CYTH3: variants seen among roughly 807,000 people sequenced by gnomAD.
CYTH3 encodes cytohesin 3, also known as cytohesin-3.
CYTH3 carries 23 observed loss-of-function variants against 55.1 expected under a neutral mutation model. The observed-to-expected ratio is 0.42, with a 90% CI of 0.30 to 0.59. The LOEUF (loss-of-function observed/expected upper bound fraction) is 0.59, where lower values mean the gene tolerates loss of function less well. Ranked by LOEUF, CYTH3 falls within the 20% of genes least tolerant of loss-of-function variation. The pLI is 0.20. For synonymous variants in CYTH3, 249 were observed against 194.9 expected (o/e 1.28, Z -2.31); for missense variants, 413 against 524.8 (o/e 0.79, Z 2.08).
chr7:6,189,478 C>T (rs371520329), intron 2 of CYTH3, among the ~76,000 whole-genome samples: 37 of 151,850 alleles, frequency 2.4e-4, no homozygotes, highest in African/African-American at 8.7e-4. Flanking sequence ...GGCATGGTGG[C>T]GTGCATTTTT....
At chr7:6,266,150 T>C (rs966246799) in intron 1 of CYTH3, among the ~76,000 whole-genome samples, 2 of 151,936 alleles carry the variant, frequency 1.3e-5, no homozygotes, top group Admixed American at 1.3e-4. Context: ...ACACCTCCCT[T>C]CTCCCAAGTC....
At chr7:6,190,372 GA>G (rs2128544065) in intron 2 of CYTH3, 76 bp downstream of exon 2, 1 of 777,970 alleles carries the variant, frequency 1.3e-6, no homozygotes. Flanking sequence ...ACATTTTTGT[GA>G]GGCTACTCTT....
At chr7:6,166,512 C>G (rs898969797) in intron 9 of CYTH3, among the ~76,000 whole-genome samples, 5 of 152,232 alleles carry the variant, frequency 3.3e-5, no homozygotes, top group African/African-American at 1.2e-4. Flanking sequence ...GGAGCTCACC[C>G]GGCTTTCTCT....
At chr7:6,191,585 G>C (rs1783805462) in intron 1 of CYTH3, among the ~76,000 whole-genome samples, 1 of 147,090 alleles carries the variant, frequency 6.8e-6, no homozygotes, top group South Asian at 2.1e-4. Context: ...TCAGGGTAGG[G>C]AAGGACTTTT....
chr7:6,225,852 G>C (rs1020178381), intron 1 of CYTH3, among the ~76,000 whole-genome samples: 2 of 151,780 alleles, frequency 1.3e-5, no homozygotes, highest in African/African-American at 4.8e-5. Flanking sequence ...GCTAATTTTT[G>C]TATTTTTAGT....
intron 1 of CYTH3, among the ~76,000 whole-genome samples, chr7:6,233,126 T>C (rs1183142366): frequency 1.3e-5 from 2 of 152,208 alleles, no homozygotes; most frequent in Non-Finnish European, 2.9e-5. Flanking sequence ...TCATTCTAAA[T>C]GTTCTCTGAA....
chr7:6,253,284 C>T (rs2115050172), intron 1 of CYTH3, among the ~76,000 whole-genome samples: 1 of 151,270 alleles, frequency 6.6e-6, no homozygotes, highest in African/African-American at 2.4e-5. Flanking sequence ...CTGGCAGAAC[C>T]TTGGCTCACT....
At chr7:6,173,245 A>C (rs1005417178) in intron 6 of CYTH3, among the ~76,000 whole-genome samples, 2 of 152,158 alleles carry the variant, frequency 1.3e-5, no homozygotes, top group African/African-American at 2.4e-5. Context: ...AAATGGCGAG[A>C]CACCTACATC....
chr7:6,248,994 A>G (rs1206080522), intron 1 of CYTH3, among the ~76,000 whole-genome samples: 1 of 152,206 alleles, frequency 6.6e-6, no homozygotes, highest in African/African-American at 2.4e-5. Context: ...TTTTGATGTC[A>G]GCTTTCTCTG....
At chr7:6,227,046 C>T (rs554966285) in intron 1 of CYTH3, among the ~76,000 whole-genome samples, 6 of 149,546 alleles carry the variant, frequency 4.0e-5, no homozygotes, top group Non-Finnish European at 8.9e-5. Context: ...CGCCACTGCA[C>T]TCCAGCCTGG....
Position 6,177,887 on chromosome 7 carries a change from C to T in CYTH3, c.304G>A (p.Ala102Thr). 1 of 1,614,132 alleles carries T rather than the reference C, an allele frequency of 6.2e-7. No individual in the cohort carries two copies. The highest frequency in any genetic ancestry group is 8.5e-7 in the Non-Finnish European group (1 of 1,179,978). Residue 102 changes from alanine (A) to threonine (T), a missense_variant, in exon 5 of 13, where the codon GCC becomes ACC. Ala to Thr is a moderately conservative substitution (Grantham distance 58, BLOSUM62 0). Coordinates refer to ENST00000350796, the MANE Select transcript of CYTH3 (RefSeq NM_004227.4). ...DLLQSSPEDV[A>T]QFLYKGEGLN... ...CCTTCTCCTTTATAAAGGAACTGGG[C>T]GACGTCTTCTGGGGAACTCTGTAGC...
chr7:6,220,257 C>A (rs749400969), intron 1 of CYTH3, among the ~76,000 whole-genome samples: 3 of 152,048 alleles, frequency 2.0e-5, no homozygotes, highest in Non-Finnish European at 4.4e-5. Context: ...ATATTCTTTT[C>A]AATAAATATT....
chr7:6,208,803 A>G (rs1784259001), intron 1 of CYTH3, among the ~76,000 whole-genome samples: 1 of 152,204 alleles, frequency 6.6e-6, no homozygotes. Flanking sequence ...TTGGGATTAC[A>G]GGTGTGGGTC....
At chr7:6,186,926 C>G in intron 4 of CYTH3, 124 bp downstream of exon 4, 1 of 973,016 alleles carries the variant, frequency 1.0e-6, no homozygotes, top group Non-Finnish European at 1.6e-6. Context: ...AATGTGCCTT[C>G]AACTCCCAGT....
intron 1 of CYTH3, among the ~76,000 whole-genome samples, chr7:6,240,938 AC>A (rs1779657897): frequency 6.6e-6 from 1 of 151,232 alleles, no homozygotes; most frequent in Admixed American, 6.6e-5. Flanking sequence ...ACATGGTGAA[AC>A]CCCGTCTCTG....
chr7:6,231,882 C>A (rs1562400944), intron 1 of CYTH3, among the ~76,000 whole-genome samples: 1 of 152,172 alleles, frequency 6.6e-6, no homozygotes, highest in Non-Finnish European at 1.5e-5. Context: ...ACCCTGCTAA[C>A]ACCACCTGAA....
intron 1 of CYTH3, among the ~76,000 whole-genome samples, chr7:6,266,287 C>A (rs543374826): frequency 6.6e-6 from 1 of 152,154 alleles, no homozygotes; most frequent in Non-Finnish European, 1.5e-5. Context: ...AGCTCCATCA[C>A]CTGCTAGCTG....
chr7:6,202,945 C>T (rs914604292), intron 1 of CYTH3, among the ~76,000 whole-genome samples: 1 of 152,050 alleles, frequency 6.6e-6, no homozygotes, highest in Non-Finnish European at 1.5e-5. Flanking sequence ...CATACGAATA[C>T]ATAAAAGTTG....
chr7:6,196,873 C>A (rs192706909), intron 1 of CYTH3, among the ~76,000 whole-genome samples: 304 of 152,282 alleles, frequency 2.0e-3, no homozygotes, highest in African/African-American at 6.9e-3. Flanking sequence ...CTGTCAACAA[C>A]ATTTACGAAA....
Sources: gnomAD v4.1 joint callset for allele counts (sites outside exome capture counted in the v4.1 genomes callset) on GRCh38, gnomAD v4.1.1 for gene constraint, MANE v1.5 for transcripts, NCBI Gene and HGNC (gene_info 2026-07-23, HGNC 2026-07-21) for gene names.